Variants in UVRAG observed in about 807,000 individuals in gnomAD.
The protein encoded by UVRAG is UV radiation resistance associated.
A neutral mutation model predicts 78.0 loss-of-function variants in UVRAG; 19 were observed. That is an observed-to-expected ratio of 0.24 (90% CI 0.17 to 0.36). UVRAG has a LOEUF of 0.36. Among genes scored for constraint, UVRAG ranks in the 10% least tolerant of loss-of-function variants. The pLI is 1.00. For missense variants in UVRAG, 740 were observed against 853.8 expected, an observed-to-expected ratio of 0.87 and a Z score of 1.66; for synonymous variants, 323 against 324.6, an observed-to-expected ratio of 1.00 and a Z score of 0.05.
intron 1 of UVRAG, among the ~76,000 whole-genome samples, chr11:75,832,880 T>A (rs1945690870): frequency 6.6e-6 from 1 of 152,144 alleles, no homozygotes; most frequent in Non-Finnish European, 1.5e-5. Context: ...TACCAATTAT[T>A]ACATTATAAC....
At chr11:75,996,214 T>TA (rs1949703512) in intron 8 of UVRAG, among the ~76,000 whole-genome samples, 1 of 149,944 alleles carries the variant, frequency 6.7e-6, no homozygotes, top group Non-Finnish European at 1.5e-5. Flanking sequence ...TTTCTCCACT[T>TA]ACTCTCAAAA....
At chr11:75,863,795 G>C (rs1946476775) in intron 3 of UVRAG, among the ~76,000 whole-genome samples, 2 of 152,150 alleles carry the variant, frequency 1.3e-5, no homozygotes, top group Non-Finnish European at 2.9e-5. Flanking sequence ...TCAACTCACA[G>C]TTTATACTAT....
intron 13 of UVRAG, among the ~76,000 whole-genome samples, chr11:76,096,655 G>C (rs916505716): frequency 2.0e-5 from 3 of 152,166 alleles, no homozygotes. Context: ...AAACCCGAAT[G>C]CCTTTTAAGT....
intron 14 of UVRAG, among the ~76,000 whole-genome samples, chr11:76,129,114 A>G (rs1397169931): frequency 1.3e-5 from 2 of 152,190 alleles, no homozygotes; most frequent in Non-Finnish European, 2.9e-5. Context: ...CATCTTAGAA[A>G]TGAGGAAACT....
intron 12 of UVRAG, among the ~76,000 whole-genome samples, chr11:76,037,809 T>G (rs1401757301): frequency 1.3e-5 from 2 of 152,158 alleles, no homozygotes; most frequent in Non-Finnish European, 2.9e-5. Flanking sequence ...AGGCAGAATT[T>G]GAAACAGCAC....
chr11:75,904,170 G>C (rs1406836713), intron 5 of UVRAG, among the ~76,000 whole-genome samples: 1 of 152,134 alleles, frequency 6.6e-6, no homozygotes, highest in Admixed American at 6.5e-5. Flanking sequence ...AAAGTTTGCT[G>C]ACCACTCATC....
chr11:76,060,408 C>A (rs1403871860), intron 12 of UVRAG, among the ~76,000 whole-genome samples: 1 of 152,244 alleles, frequency 6.6e-6, no homozygotes, highest in Non-Finnish European at 1.5e-5. Context: ...TGACAGCGTG[C>A]TGACAGCCCT....
intron 12 of UVRAG, among the ~76,000 whole-genome samples, 167 bp downstream of exon 12, chr11:76,017,147 T>C (rs1950163269): frequency 1.3e-5 from 2 of 152,164 alleles, no homozygotes; most frequent in Admixed American, 6.5e-5. Context: ...AAACTAGTTA[T>C]TCATATAAAT....
intron 8 of UVRAG, among the ~76,000 whole-genome samples, chr11:75,998,948 A>G (rs565898897): frequency 6.6e-4 from 100 of 152,238 alleles, no homozygotes; most frequent in African/African-American, 2.3e-3. Flanking sequence ...TTTGAATATG[A>G]TGGTCTGGGG....
chr11:75,846,769 C>G (rs992545899), intron 1 of UVRAG, among the ~76,000 whole-genome samples: 2 of 152,098 alleles, frequency 1.3e-5, no homozygotes, highest in Non-Finnish European at 2.9e-5. Context: ...TTTGCCAATA[C>G]CATCCTGCCT....
At chr11:76,014,279 A>G (rs997536649) in intron 11 of UVRAG, among the ~76,000 whole-genome samples, 2 of 152,216 alleles carry the variant, frequency 1.3e-5, no homozygotes, top group African/African-American at 4.8e-5. Flanking sequence ...TTAGATAGAT[A>G]GTTTTGAAAC....
chr11:75,912,005 G>C lies in UVRAG; in HGVS notation c.559G>C (p.Val187Leu). 1 of 1,613,470 alleles carries C rather than the reference G, an allele frequency of 6.2e-7. No individual in the cohort carries two copies. The highest frequency in any genetic ancestry group is 8.5e-7 in the Non-Finnish European group (1 of 1,179,650). Reference sequence around the variant, plus strand: ...TCTTCTGCAGGTGGATCAGAACTGTGTTCGCAATTCTTACGATGTCTTCTC... The same window carrying C: ...TCTTCTGCAGGTGGATCAGAACTGTCTTCGCAATTCTTACGATGTCTTCTC... ...TILLQVDQNC[V>L]RNSYDVFSLL... Residue 187 changes from valine (V) to leucine (L), a missense_variant, in exon 6 of 15, where the codon GTT (valine) becomes CTT (leucine). Val to Leu is a conservative substitution (Grantham distance 32). Transcript: ENST00000356136.
rs1303149607 is a variant in UVRAG, at chr11:76,107,292, G to C, written c.1306-8632G>C. 5.6e-4 allele frequency among the ~76,000 whole-genome samples: 85 copies of C among 152,218 alleles called. 1 individual carries two copies. The highest frequency in any genetic ancestry group is 1.1e-3 in the Non-Finnish European group (73 of 68,036). On this transcript the variant is annotated intron_variant, in intron 13 of 14. Transcript: ENST00000356136. Reference sequence around the variant, plus strand: ...ATAAAGAAAAGAGCCTGTAAGGGTAGAACTTGGCAGACTTGGATTCTGGTC... The same window carrying C: ...ATAAAGAAAAGAGCCTGTAAGGGTACAACTTGGCAGACTTGGATTCTGGTC...
chr11:75,981,468 T>C (rs908351631), intron 7 of UVRAG, among the ~76,000 whole-genome samples: 13 of 151,892 alleles, frequency 8.6e-5, no homozygotes, highest in African/African-American at 2.9e-4. Context: ...TTTTTGTGTG[T>C]GTGACAGGGT....
At chr11:76,051,999 G>A (rs1448258026) in intron 12 of UVRAG, among the ~76,000 whole-genome samples, 1 of 152,132 alleles carries the variant, frequency 6.6e-6, no homozygotes, top group Non-Finnish European at 1.5e-5. Flanking sequence ...GTCCAGTTCT[G>A]TTGGCCTTCT....
At chr11:75,818,427 A>G (rs1945311710) in intron 1 of UVRAG, among the ~76,000 whole-genome samples, 2 of 152,074 alleles carry the variant, frequency 1.3e-5, no homozygotes, top group South Asian at 2.1e-4. Context: ...CCTTTAAATA[A>G]TACTTTCAAA....
intron 5 of UVRAG, among the ~76,000 whole-genome samples, chr11:75,906,979 A>G (rs1034774527): frequency 2.0e-5 from 3 of 152,196 alleles, no homozygotes; most frequent in Non-Finnish European, 1.5e-5. Flanking sequence ...GTTCTCTTCA[A>G]TATAATTTTG....
chr11:75,887,660 G>T (rs1172306565), intron 4 of UVRAG, among the ~76,000 whole-genome samples: 1 of 151,166 alleles, frequency 6.6e-6, no homozygotes, highest in African/African-American at 2.4e-5. Flanking sequence ...TGTTACCCAG[G>T]ATGGTCTCGA....
At position 76,080,642 on chromosome 11, in the gene UVRAG, C is replaced by T. The variant is rs148314628; in HGVS notation, c.1305+14854C>T. Among the ~76,000 whole-genome samples, 577 of 152,176 alleles carry T rather than the reference C, an allele frequency of 3.8e-3. 4 individuals carry two copies. The Middle Eastern group carries it at 0.041, about 11-fold the overall frequency. On this transcript the variant is annotated intron_variant, in intron 13 of 14. Coordinates refer to ENST00000356136, the MANE Select transcript of UVRAG (RefSeq NM_003369.4). The stretch of plus-strand genomic sequence containing the variant: ...TCTTCTCTTAATCTATTCGTTAGTA[C>T]GTTCAAATTATAGAATATTCCAGCA...
Sources: allele counts gnomAD v4.1 joint callset (sites outside exome capture counted in the v4.1 genomes callset), GRCh38; gene constraint gnomAD v4.1.1; transcripts MANE v1.5; gene names NCBI Gene and HGNC (gene_info 2026-07-23, HGNC 2026-07-21).